The following PPFIA2 variants were observed in gnomAD, a reference collection of about 807,000 sequenced individuals.
PPFIA2 encodes the protein PPFI scaffold protein A2.
In PPFIA2, 46 loss-of-function variants were observed where a neutral mutation model predicts 175.5. That is an observed-to-expected ratio of 0.26 (90% CI 0.21 to 0.34). The LOEUF (loss-of-function observed/expected upper bound fraction) is 0.34. PPFIA2 is among the 10% of genes least tolerant of loss of function. The pLI, the probability that PPFIA2 is intolerant of heterozygous loss-of-function variation, is 1.00. For missense variants in PPFIA2, 1,179 were observed against 1,506.1 expected, an observed-to-expected ratio of 0.78 and a Z score of 3.60; for synonymous variants, 568 against 511.4, an observed-to-expected ratio of 1.11 and a Z score of -1.49.
chr12:81,411,529 A>T (rs529709247), intron 7 of PPFIA2, among the ~76,000 whole-genome samples: 18 of 152,158 alleles, frequency 1.2e-4, no homozygotes, highest in Admixed American at 2.0e-4. Flanking sequence ...TACACAATAG[A>T]CAACTGGTAG....
chr12:81,725,807 G>T (rs1429486190), intron 3 of PPFIA2, among the ~76,000 whole-genome samples: 1 of 150,540 alleles, frequency 6.6e-6, no homozygotes, highest in Admixed American at 6.6e-5. Context: ...AAGTAAAAAA[G>T]AAAAATGACA....
At chr12:81,644,284 G>C (rs1255926722) in intron 4 of PPFIA2, among the ~76,000 whole-genome samples, 2 of 151,934 alleles carry the variant, frequency 1.3e-5, no homozygotes, top group African/African-American at 4.8e-5. Flanking sequence ...CAGGCAAATA[G>C]AAATGATGTT....
chr12:81,490,485 T>A (rs929058124), intron 4 of PPFIA2, among the ~76,000 whole-genome samples: 4 of 151,964 alleles, frequency 2.6e-5, no homozygotes, highest in African/African-American at 9.7e-5. Flanking sequence ...CTCATTTGAA[T>A]GTTTATGTTT....
chr12:81,379,437 A>G (rs1163156580), intron 9 of PPFIA2, among the ~76,000 whole-genome samples: 1 of 152,180 alleles, frequency 6.6e-6, no homozygotes, highest in African/African-American at 2.4e-5. Context: ...AATTCATTTA[A>G]TCACATAGTG....
intron 9 of PPFIA2, among the ~76,000 whole-genome samples, chr12:81,381,372 A>G (rs1182260513): frequency 1.3e-5 from 2 of 152,156 alleles, no homozygotes; most frequent in Non-Finnish European, 2.9e-5. Flanking sequence ...TTTGTTACCT[A>G]CATTCAGAGG....
At chr12:81,393,609 G>T (rs191667241) in intron 8 of PPFIA2, among the ~76,000 whole-genome samples, 4 of 152,014 alleles carry the variant, frequency 2.6e-5, no homozygotes, top group African/African-American at 7.2e-5. Flanking sequence ...AAAACAGATT[G>T]CTCCCCTTTC....
chr12:81,260,883 G>C (rs1224911071), intron 32 of PPFIA2: 1 of 151,908 alleles, frequency 6.6e-6, no homozygotes, highest in African/African-American at 2.4e-5. Context: ...TTTTGGTAAA[G>C]CATAGTTTTA....
At chr12:81,294,578 C>A (rs1335672670) in intron 24 of PPFIA2, 2 of 464,758 alleles carry the variant, frequency 4.3e-6, no homozygotes, top group Non-Finnish European at 7.8e-6. Flanking sequence ...AGGGTCTTGT[C>A]GCTTGGGAGA....
At chr12:81,320,746 A>G (rs112994769) in intron 22 of PPFIA2, among the ~76,000 whole-genome samples, 3 of 152,084 alleles carry the variant, frequency 2.0e-5, no homozygotes, top group African/African-American at 7.2e-5. Context: ...TAACAATTCA[A>G]TGGATATTCT....
intron 4 of PPFIA2, among the ~76,000 whole-genome samples, chr12:81,645,280 T>G (rs2065909350): frequency 6.6e-6 from 1 of 152,080 alleles, no homozygotes; most frequent in South Asian, 2.1e-4. Context: ...TCATCATATT[T>G]TTCAAATATT....
intron 3 of PPFIA2, among the ~76,000 whole-genome samples, chr12:81,738,926 C>T (rs903905138): frequency 6.6e-6 from 1 of 151,730 alleles, no homozygotes; most frequent in African/African-American, 2.4e-5. Flanking sequence ...GAAATCTGCT[C>T]TAATACTATT....
At position 81,362,705 on chromosome 12, in the gene PPFIA2, G is replaced by C; in HGVS notation, c.1625C>G (p.Pro542Arg). ...AGTTTAATGTTACCTTGGTATTGTG[G>C]GTTCAATTAAAGAGCCAGTTCTCAT... is the stretch of plus-strand genomic sequence containing the variant. Reference protein sequence around the residue: ...LKMRTGSLIEPTIPRTHLDTS... With the variant: ...LKMRTGSLIERTIPRTHLDTS... Residue 542 changes from proline (P) to arginine (R), a missense_variant, in exon 15 of 33, where the codon CCC (proline) becomes CGC (arginine). Pro to Arg is a moderately radical substitution (Grantham distance 103, BLOSUM62 -2). Around this residue, in one of 10 missense-constraint regions of PPFIA2, gnomAD observed 186 missense variants for 163.6 expected, o/e 1.14. Coordinates refer to ENST00000549396, the MANE Select transcript of PPFIA2 (RefSeq NM_003625.5). 1 of 1,543,550 alleles carries C rather than the reference G, an allele frequency of 6.5e-7. No homozygotes were observed. Among genetic ancestry groups the C allele is most frequent in the Middle Eastern group, 1.7e-4 (1 of 5,946 alleles).
chr12:81,726,784 G>C (rs1036977919), intron 3 of PPFIA2, among the ~76,000 whole-genome samples: 35 of 151,424 alleles, frequency 2.3e-4, no homozygotes, highest in African/African-American at 8.2e-4. Context: ...TCTGGGGTAA[G>C]TGAGCTTTCC....
intron 3 of PPFIA2, among the ~76,000 whole-genome samples, chr12:81,714,867 A>G (rs919383942): frequency 6.6e-6 from 1 of 151,222 alleles, no homozygotes; most frequent in Non-Finnish European, 1.5e-5. Flanking sequence ...TTATGCAAAT[A>G]AAAGCTCTAT....
chr12:81,294,127 TTGGAG>T (rs1408929297), intron 24 of PPFIA2, among the ~76,000 whole-genome samples: 1 of 151,928 alleles, frequency 6.6e-6, no homozygotes, highest in Non-Finnish European at 1.5e-5. Context: ...ATAACAGACA[TTGGAG>T]ACTCCAAAAG....
intron 4 of PPFIA2, among the ~76,000 whole-genome samples, chr12:81,521,651 C>CAAAAAA (rs1167533871): frequency 3.4e-5 from 3 of 87,532 alleles, no homozygotes; most frequent in East Asian, 2.7e-4. Context: ...TAATAAAATA[C>CAAAAAA]AAAAAAAAAA....
intron 3 of PPFIA2, among the ~76,000 whole-genome samples, chr12:81,679,092 T>C (rs1187622735): frequency 6.6e-6 from 1 of 151,872 alleles, no homozygotes; most frequent in Non-Finnish European, 1.5e-5. Flanking sequence ...AATCCAAAGA[T>C]AAAACATAAC....
intron 7 of PPFIA2, among the ~76,000 whole-genome samples, chr12:81,425,346 T>C (rs2046959741): frequency 6.6e-6 from 1 of 152,070 alleles, no homozygotes; most frequent in African/African-American, 2.4e-5. Flanking sequence ...ATTTTATTTT[T>C]TTATTTATTC....
intron 9 of PPFIA2, among the ~76,000 whole-genome samples, chr12:81,383,538 G>A (rs2038242591): frequency 6.6e-6 from 1 of 151,982 alleles, no homozygotes; most frequent in Non-Finnish European, 1.5e-5. Flanking sequence ...GGGATGTTAT[G>A]TCTAACAGGA....
Sources: allele counts gnomAD v4.1 joint callset (sites outside exome capture counted in the v4.1 genomes callset), GRCh38; gene constraint gnomAD v4.1.1; regional missense constraint gnomAD v4.1.1; transcripts MANE v1.5; gene names NCBI Gene and HGNC (gene_info 2026-07-23, HGNC 2026-07-21).